Variants in NLRC3 observed in about 807,000 individuals in gnomAD.
The protein encoded by NLRC3 is NLR family CARD domain containing 3.
Under a neutral mutation model 91.6 loss-of-function variants are expected in NLRC3, and 87 were observed. That is an observed-to-expected ratio of 0.95 (90% confidence interval 0.80 to 1.14). NLRC3 has a LOEUF of 1.14. Among genes scored for constraint, NLRC3 ranks in the 50% most tolerant of loss-of-function variants. NLRC3 has a pLI of 0.00. For synonymous variants in NLRC3, 694 were observed against 625.3 expected (o/e 1.11, Z -1.64); for missense variants, 1,577 against 1,418.6 (o/e 1.11, Z -1.79).
Position 3,563,313 on chromosome 16 carries a change from A to G in NLRC3, c.1624T>C (p.Tyr542His). 6.3e-7 allele frequency: 1 copy of G among 1,599,804 alleles called. No homozygotes were observed. The highest frequency in any genetic ancestry group is 1.1e-5 in the South Asian group (1 of 88,618). The change falls in exon 5 of 20, where the codon TAC (tyrosine) becomes CAC (histidine). Residue 542 changes from tyrosine to histidine, a missense_variant. Physicochemically the swap from Tyr to His is moderately conservative, Grantham distance 83. Coordinates refer to ENST00000359128, the MANE Select transcript of NLRC3 (RefSeq NM_178844.4). ...SLLAQGEHQAYRTQVAELLQG... is the reference protein window; with the variant it reads ...SLLAQGEHQAHRTQVAELLQG... ...AGGAGCTCAGCCACCTGGGTCCGGT[A>G]GGCCTGGTGCTCGCCTTGGGCCAGC...
chr16:3,566,224 G>A (rs1463467305), intron 2 of NLRC3, among the ~76,000 whole-genome samples: 3 of 151,874 alleles, frequency 2.0e-5, no homozygotes, highest in African/African-American at 4.8e-5. Context: ...GGCAGGGGAC[G>A]GTGATAGTGA....
intron 19 of NLRC3, 73 bp downstream of exon 19, chr16:3,542,118 C>G: frequency 8.8e-7 from 1 of 1,133,824 alleles, no homozygotes. Context: ...AGCTGGCTCT[C>G]AGAACTGGGC....
chr16:3,575,487 C>T lies in NLRC3; in HGVS notation c.-169+1662G>A, dbSNP rs548730974. On this transcript the variant is annotated intron_variant, in intron 1 of 19. Coordinates refer to ENST00000359128, the MANE Select transcript of NLRC3 (RefSeq NM_178844.4). The stretch of plus-strand genomic sequence containing the variant: ...GGGGATCTGAAGGCCAGAGGTCGCT[C>T]CACAGCTGGTTTGAGCTGCTGCGAG... Among the ~76,000 whole-genome samples the T allele has an allele frequency of 1.8e-4, 28 of 152,334 alleles. No homozygotes were observed. In the East Asian group the frequency reaches 3.7e-3, roughly 20 times the overall value.
Position 3,564,028 on chromosome 16 carries a change from G to A in NLRC3, c.909C>T (p.Pro303=), listed in dbSNP as rs372870613. Residue 303 remains proline (P), a synonymous_variant, in exon 5 of 20, where the codon CCC becomes CCT. Coordinates refer to ENST00000359128, the MANE Select transcript of NLRC3 (RefSeq NM_178844.4). This position sits in a 1 kb window ranked among gnomAD's most constrained non-coding sequence, Gnocchi z 5.9. ...EIKVCLEQMF[P]EDQALLGWML... Reference sequence around the variant, plus strand: ...TCCAGCCCAGAAGGGCCTGGTCCTCGGGGAACATCTGCTCCAAACACACCT... The same window carrying A: ...TCCAGCCCAGAAGGGCCTGGTCCTCAGGGAACATCTGCTCCAAACACACCT... The A allele has an allele frequency of 2.9e-5, 46 of 1,610,920 alleles. No individual in the cohort carries two copies. Among genetic ancestry groups the A allele is most frequent in the East Asian group, 1.8e-4 (8 of 44,874 alleles).
chr16:3,573,712 T>G (rs922236254), intron 1 of NLRC3, among the ~76,000 whole-genome samples: 1 of 152,186 alleles, frequency 6.6e-6, no homozygotes, highest in Non-Finnish European at 1.5e-5. Context: ...ATTTGGGGTC[T>G]TATTGATTGA....
In NLRC3 at chr16:3,556,546, C is replaced by G. The variant is rs116556446; in HGVS notation, c.2183+365G>C. On this transcript the variant is annotated intron_variant, in intron 8 of 19. Coordinates refer to ENST00000359128, the MANE Select transcript of NLRC3 (RefSeq NM_178844.4). The stretch of plus-strand genomic sequence containing the variant: ...TGTTGAGAGAGTTTCACTCTGTCAC[C>G]CAGGCTGGAGTGTAGTGGCGCGATC... Among the ~76,000 whole-genome samples the G allele has an allele frequency of 4.5e-3, 688 of 151,586 alleles. 7 individuals are homozygous for G. Among genetic ancestry groups the G allele is most frequent in the African/African-American group, 0.016 (654 of 41,304 alleles).
chr16:3,574,427 G>A (rs1218304000), intron 1 of NLRC3, among the ~76,000 whole-genome samples: 4 of 152,096 alleles, frequency 2.6e-5, no homozygotes, highest in Admixed American at 1.3e-4. Flanking sequence ...CACGGGACCC[G>A]AGCGGGGCTG....
At chr16:3,561,986 G>A (rs548339046) in intron 5 of NLRC3, among the ~76,000 whole-genome samples, 198 bp from the exon 6 acceptor site, 6 of 152,310 alleles carry the variant, frequency 3.9e-5, no homozygotes, top group African/African-American at 1.4e-4. Flanking sequence ...TGCGGTTCCT[G>A]TGCAGAACGG....
intron 10 of NLRC3, 89 bp downstream of exon 10, chr16:3,552,107 A>G: frequency 1.2e-6 from 1 of 816,696 alleles, no homozygotes; most frequent in East Asian, 2.5e-5. Flanking sequence ...CAATCCATCC[A>G]TCCATCCTCA....
intron 5 of NLRC3, 31 bp downstream of exon 5, chr16:3,562,978 C>T (rs994647622): frequency 1.3e-6 from 2 of 1,542,138 alleles, no homozygotes; most frequent in African/African-American, 2.7e-5. Context: ...CTGCCCCTTC[C>T]CCAGCCCCTG....
chr16:3,551,096 T>A lies in NLRC3; in HGVS notation c.2352-599A>T, dbSNP rs183023240. Among the ~76,000 whole-genome samples the A allele has an allele frequency of 5.9e-5, 9 of 151,826 alleles. 1 individual carries two copies. The highest frequency in any genetic ancestry group is 2.2e-4 in the African/African-American group (9 of 41,382). On this transcript the variant is annotated intron_variant, in intron 10 of 19. Coordinates refer to ENST00000359128, the MANE Select transcript of NLRC3 (RefSeq NM_178844.4). ...GTCCACTTAGCTATCATTTCGTCTG[T>A]CCATCCACTCATCCACCCATCCATC...
chr16:3,551,218 A>G (rs1038906630), intron 10 of NLRC3, among the ~76,000 whole-genome samples: 3 of 150,996 alleles, frequency 2.0e-5, no homozygotes, highest in African/African-American at 7.3e-5. Flanking sequence ...TCATCTATCC[A>G]TTCATCCATC....
chr16:3,571,809 AC>A (rs1474779569), intron 1 of NLRC3, among the ~76,000 whole-genome samples: 1 of 151,178 alleles, frequency 6.6e-6, no homozygotes, highest in Non-Finnish European at 1.5e-5. Flanking sequence ...GCGTGGTGGC[AC>A]GTGCCTGTAG....
intron 1 of NLRC3, among the ~76,000 whole-genome samples, chr16:3,569,371 C>CATATATATATATATATATATATAT (rs139927647): frequency 1.4e-5 from 1 of 70,404 alleles, no homozygotes; most frequent in African/African-American, 6.7e-5. Flanking sequence ...TTCTGAAAAC[C>CATATATATATATATATATATATAT]ATATATATAT....
chr16:3,557,675 A>T lies in NLRC3; in HGVS notation c.2017T>A (p.Leu673Met). Residue 673 changes from leucine to methionine, a missense_variant and splice_region_variant, in exon 7 of 20, where the codon TTG becomes ATG. Leu to Met is a conservative substitution (Grantham distance 15). Transcript: ENST00000359128. The part of the protein sequence containing the change: ...GKDCRIQKIS[L>M]AENQISNKGA... ...TTGTTACTGATCTGGTTCTCCGCCA[A>T]GCTGCCCAAGGAAAGGGAGAGGAGT... is the stretch of plus-strand genomic sequence containing the variant. 1 of 1,611,334 alleles carries T rather than the reference A, an allele frequency of 6.2e-7. No homozygotes were observed. Among genetic ancestry groups the T allele is most frequent in the Non-Finnish European group, 8.5e-7 (1 of 1,177,798 alleles).
chr16:3,550,237 C>T (rs907785813), intron 11 of NLRC3, among the ~76,000 whole-genome samples, 177 bp downstream of exon 11: 4 of 152,244 alleles, frequency 2.6e-5, no homozygotes, highest in Non-Finnish European at 2.9e-5. Context: ...CTACCCCAGC[C>T]CCCACTGTCT....
chr16:3,570,328 T>C (rs1295945931), intron 1 of NLRC3, among the ~76,000 whole-genome samples: 2 of 152,240 alleles, frequency 1.3e-5, no homozygotes, highest in Admixed American at 1.3e-4. Flanking sequence ...TTAGCATATA[T>C]TGATATAAAC....
chr16:3,573,459 A>C (rs1356118716), intron 1 of NLRC3, among the ~76,000 whole-genome samples: 1 of 152,100 alleles, frequency 6.6e-6, no homozygotes, highest in Non-Finnish European at 1.5e-5. Flanking sequence ...AATTATCTAA[A>C]CATTCAAAGG....
chr16:3,550,626 G>T lies in NLRC3; in HGVS notation c.2352-129C>A, dbSNP rs148013085. ...TTGTCTCAAGGGTGGCCAGTGCACA[G>T]TTTGTTCTGCCTGAGGCCTGTTGGC... On this transcript the variant is annotated intron_variant, in intron 10 of 19. Transcript: ENST00000359128. 11 of 664,556 alleles carry T rather than the reference G, an allele frequency of 1.7e-5. No homozygotes were observed. In the African/African-American group the frequency reaches 1.8e-4, roughly 11 times the overall value. The allele number at this position is 664,556 out of a possible 1,614,324, so 41.2% of individuals were successfully genotyped here. A position where few individuals can be genotyped will look rare whatever the true frequency, so the allele number is the denominator to read the frequency against.
Sources: gnomAD v4.1 joint callset for allele counts (sites outside exome capture counted in the v4.1 genomes callset) on GRCh38, gnomAD v4.1.1 for gene constraint, Gnocchi (gnomAD v3.1) non-coding constraint, MANE v1.5 for transcripts, NCBI Gene and HGNC (gene_info 2026-07-23, HGNC 2026-07-21) for gene names.